Variants in NALF1 observed in about 807,000 individuals in gnomAD.
The protein encoded by NALF1 is NALCN channel auxiliary factor 1.
NALF1 carries 3 observed loss-of-function variants against 48.4 expected under a neutral mutation model. The ratio of observed to expected loss-of-function variants is 0.06; its 90% CI spans 0.03 to 0.16. The LOEUF (loss-of-function observed/expected upper bound fraction) is 0.16, where lower values mean the gene tolerates loss of function less well. NALF1 is among the 10% of genes least tolerant of loss of function. The pLI is 1.00. For synonymous variants in NALF1, 262 were observed against 245.7 expected (o/e 1.07, Z -0.62); for missense variants, 526 against 571.5 (o/e 0.92, Z 0.81).
chr13:107,394,401 A>T (rs1883676532), intron 1 of NALF1, among the ~76,000 whole-genome samples: 1 of 152,156 alleles, frequency 6.6e-6, no homozygotes, highest in South Asian at 2.1e-4. Flanking sequence ...AAATGTATAG[A>T]GTATATGTGC....
chr13:107,350,058 A>G (rs12585991), intron 1 of NALF1, among the ~76,000 whole-genome samples: 3,203 of 152,156 alleles, frequency 0.021, 135 homozygotes, highest in East Asian at 0.18. Context: ...TCTTATGAAA[A>G]TCCAATGTAG....
chr13:107,724,515 T>C (rs948040833), intron 1 of NALF1, among the ~76,000 whole-genome samples: 10 of 152,296 alleles, frequency 6.6e-5, no homozygotes, highest in African/African-American at 2.4e-4. Flanking sequence ...TGAAAAACAA[T>C]GTATACAACA....
chr13:107,659,304 A>G (rs959537181), intron 1 of NALF1, among the ~76,000 whole-genome samples: 2 of 152,008 alleles, frequency 1.3e-5, no homozygotes, highest in African/African-American at 2.4e-5. Context: ...CATGTAATCT[A>G]TTGCATTTAT....
intron 1 of NALF1, among the ~76,000 whole-genome samples, chr13:107,410,744 T>C (rs955464099): frequency 3.3e-5 from 5 of 152,188 alleles, no homozygotes; most frequent in African/African-American, 1.2e-4. Flanking sequence ...CTGTACCCTA[T>C]GTCTCTCATT....
intron 2 of NALF1, among the ~76,000 whole-genome samples, chr13:107,205,166 C>T (rs1879611109): frequency 6.6e-6 from 1 of 151,698 alleles, no homozygotes; most frequent in Non-Finnish European, 1.5e-5. Context: ...TTTCCCCCCA[C>T]CCCACAACAG....
chr13:107,475,075 A>C (rs115163304), intron 1 of NALF1, among the ~76,000 whole-genome samples: 35 of 152,302 alleles, frequency 2.3e-4, no homozygotes, highest in African/African-American at 7.9e-4. Flanking sequence ...AGAGGTTCTC[A>C]TTAGAGAACC....
chr13:107,541,832 G>A (rs898669945), intron 1 of NALF1, among the ~76,000 whole-genome samples: 3 of 152,238 alleles, frequency 2.0e-5, no homozygotes, highest in African/African-American at 7.2e-5. Context: ...TTGTTTCAGT[G>A]AGATTTTAAG....
intron 1 of NALF1, among the ~76,000 whole-genome samples, chr13:107,762,137 A>AT (rs1187412872): frequency 6.6e-6 from 1 of 151,970 alleles, no homozygotes; most frequent in African/African-American, 2.4e-5. Flanking sequence ...ATTAATACTT[A>AT]TTTGGTGTGT....
chr13:107,447,291 A>G (rs1217241188), intron 1 of NALF1, among the ~76,000 whole-genome samples: 1 of 151,984 alleles, frequency 6.6e-6, no homozygotes, highest in Non-Finnish European at 1.5e-5. Context: ...TCACTCGATA[A>G]TCTGGCTGAT....
intron 1 of NALF1, among the ~76,000 whole-genome samples, chr13:107,250,578 CT>C (rs1243892652): frequency 1.4e-4 from 22 of 152,130 alleles, no homozygotes; most frequent in Admixed American, 2.6e-4. Context: ...TCATTAACTT[CT>C]TTGCTGTAAT....
intron 2 of NALF1, among the ~76,000 whole-genome samples, chr13:107,200,525 G>A (rs556563260): frequency 2.6e-4 from 39 of 152,284 alleles, no homozygotes; most frequent in South Asian, 1.5e-3. Flanking sequence ...TCTTTCATCC[G>A]TCTCTACTTC....
chr13:107,606,625 C>T (rs1879079561), intron 1 of NALF1, among the ~76,000 whole-genome samples: 2 of 152,174 alleles, frequency 1.3e-5, no homozygotes, highest in East Asian at 3.9e-4. Flanking sequence ...CTCGGCCTTC[C>T]AAAGTGCTAA....
At chr13:107,674,845 T>A (rs969709715) in intron 1 of NALF1, among the ~76,000 whole-genome samples, 3 of 152,022 alleles carry the variant, frequency 2.0e-5, no homozygotes, top group Admixed American at 6.6e-5. Flanking sequence ...TTGGGGAAAG[T>A]GTGTTGCCGA....
intron 1 of NALF1, among the ~76,000 whole-genome samples, chr13:107,854,598 G>A (rs1880396772): frequency 6.6e-6 from 1 of 152,064 alleles, no homozygotes; most frequent in African/African-American, 2.4e-5. Context: ...TGGGGTCAGC[G>A]GCGGTGGCTC....
At chr13:107,735,575 T>C (rs1876444670) in intron 1 of NALF1, among the ~76,000 whole-genome samples, 1 of 152,160 alleles carries the variant, frequency 6.6e-6, no homozygotes, top group Non-Finnish European at 1.5e-5. Flanking sequence ...GAGGTGTAAG[T>C]GGCAAGAAGT....
At position 107,512,262 on chromosome 13, in the gene NALF1, C is replaced by T. The variant is rs530113947; in HGVS notation, c.916-301507G>A. On this transcript the variant is annotated intron_variant, in intron 1 of 2. Transcript: ENST00000375915. The stretch of plus-strand genomic sequence containing the variant: ...ATGAAAAATTAGCCAGGCGAGGTAG[C>T]ACACACCTATAGTCTCAGCTACTCT... Among the ~76,000 whole-genome samples, 127 of 152,208 alleles carry T rather than the reference C, an allele frequency of 8.3e-4. 1 individual carries two copies. Among genetic ancestry groups the T allele is most frequent in the African/African-American group, 3.0e-3 (123 of 41,530 alleles).
At chr13:107,432,830 T>C (rs1884404292) in intron 1 of NALF1, among the ~76,000 whole-genome samples, 3 of 152,326 alleles carry the variant, frequency 2.0e-5, no homozygotes, top group Admixed American at 1.3e-4. Flanking sequence ...CAGATTATGA[T>C]TGGTTTCATT....
chr13:107,665,673 T>C (rs1436205093), intron 1 of NALF1, among the ~76,000 whole-genome samples: 6 of 152,122 alleles, frequency 3.9e-5, no homozygotes, highest in Non-Finnish European at 5.9e-5. Context: ...CATCTTGACA[T>C]GTTTGTGTCT....
intron 1 of NALF1, among the ~76,000 whole-genome samples, chr13:107,757,164 A>C (rs2138557816): frequency 6.6e-6 from 1 of 152,328 alleles, no homozygotes; most frequent in Admixed American, 6.5e-5. Flanking sequence ...GGTAGTATGT[A>C]CTGATTTGCA....
Sources: gnomAD v4.1 joint callset for allele counts (sites outside exome capture counted in the v4.1 genomes callset) on GRCh38, gnomAD v4.1.1 for gene constraint, MANE v1.5 for transcripts, NCBI Gene and HGNC (gene_info 2026-07-23, HGNC 2026-07-21) for gene names.